Variants in DNAI4 observed in about 807,000 individuals in gnomAD.
DNAI4 encodes the protein WD repeat domain 78.
A neutral mutation model predicts 105.8 loss-of-function variants in DNAI4; 85 were observed. That is an observed-to-expected ratio of 0.80 (90% CI 0.67 to 0.96). The LOEUF is 0.96. DNAI4 is among the 40% of genes least tolerant of loss of function. The probability of loss-of-function intolerance (pLI) is 0.00; values close to 1 mark genes in which losing one functional copy is unlikely to be tolerated. For synonymous variants in DNAI4, 352 were observed against 331.5 expected, an observed-to-expected ratio of 1.06 and a Z score of -0.67; for missense variants, 1,014 against 1,005.6, an observed-to-expected ratio of 1.01 and a Z score of -0.11.
chr1:66,836,809 T>C (rs1446906837), intron 10 of DNAI4, among the ~76,000 whole-genome samples: 1 of 152,224 alleles, frequency 6.6e-6, no homozygotes, highest in Non-Finnish European at 1.5e-5. Flanking sequence ...AAAATTTTAG[T>C]CATTTTTATA....
intron 13 of DNAI4, among the ~76,000 whole-genome samples, chr1:66,832,475 C>G (rs1378409587): frequency 6.6e-6 from 1 of 152,056 alleles, no homozygotes; most frequent in African/African-American, 2.4e-5. Context: ...TCCAAAGTAT[C>G]TCCAGACTGA....
At chr1:66,858,425 C>A (rs936525197) in intron 7 of DNAI4, among the ~76,000 whole-genome samples, 1 of 149,798 alleles carries the variant, frequency 6.7e-6, no homozygotes, top group African/African-American at 2.5e-5. Flanking sequence ...CCCAGCTACT[C>A]GGGACGCTGA....
At chr1:66,918,956 T>G (rs6657065) in intron 1 of DNAI4, 180,539 of 288,650 alleles carry the variant, frequency 0.63, 59,828 homozygotes, top group East Asian at 0.84. Context: ...ATATTCTGAT[T>G]GCTTCCTTTG....
At chr1:66,859,751 G>A (rs752006458) in intron 7 of DNAI4, among the ~76,000 whole-genome samples, 6 of 151,996 alleles carry the variant, frequency 3.9e-5, no homozygotes, top group African/African-American at 7.2e-5. Context: ...TGGAAAAGAC[G>A]AAACTATAAA....
chr1:66,865,095 C>T (rs1329059304), intron 6 of DNAI4, among the ~76,000 whole-genome samples: 1 of 152,016 alleles, frequency 6.6e-6, no homozygotes, highest in African/African-American at 2.4e-5. Context: ...AAAGTTTACA[C>T]TAAAGAATTT....
chr1:66,861,474 A>G (rs991631655), intron 7 of DNAI4, among the ~76,000 whole-genome samples: 2 of 152,230 alleles, frequency 1.3e-5, no homozygotes, highest in African/African-American at 4.8e-5. Flanking sequence ...GACTTAGTAA[A>G]GGTTCTTCCA....
chr1:66,871,330 T>C (rs1307757830), intron 6 of DNAI4, 40 bp downstream of exon 6: 2 of 1,551,316 alleles, frequency 1.3e-6, no homozygotes, highest in Non-Finnish European at 1.7e-6. Context: ...AAATGTATAT[T>C]AGAACATTAT....
chr1:66,836,073 T>C (rs1293354967), intron 10 of DNAI4, among the ~76,000 whole-genome samples: 7 of 150,162 alleles, frequency 4.7e-5, no homozygotes, highest in Admixed American at 1.3e-4. Context: ...GGAGGATCAC[T>C]TGAGACCAGC....
At chr1:66,823,448 G>C (rs1451838995) in intron 15 of DNAI4, among the ~76,000 whole-genome samples, 2 of 151,224 alleles carry the variant, frequency 1.3e-5, no homozygotes, top group Non-Finnish European at 3.0e-5. Flanking sequence ...TGGGTCAAAT[G>C]GTATTTCTAG....
chr1:66,830,246 T>G (rs1204312021), intron 13 of DNAI4, among the ~76,000 whole-genome samples: 8 of 149,638 alleles, frequency 5.3e-5, no homozygotes, highest in Non-Finnish European at 4.4e-5. Flanking sequence ...AAAAAAATAG[T>G]GAAAACCAAT....
At chr1:66,878,173 A>G (rs746297146) in intron 4 of DNAI4, among the ~76,000 whole-genome samples, 2 of 152,082 alleles carry the variant, frequency 1.3e-5, no homozygotes, top group Non-Finnish European at 2.9e-5. Context: ...TCATTTATTC[A>G]ATATTAGTTT....
At chr1:66,880,645 T>C (rs181675071) in intron 4 of DNAI4, among the ~76,000 whole-genome samples, 2 of 152,262 alleles carry the variant, frequency 1.3e-5, no homozygotes, top group East Asian at 3.9e-4. Flanking sequence ...GTTAAAGGCA[T>C]TCAGTTTTAT....
intron 3 of DNAI4, among the ~76,000 whole-genome samples, chr1:66,891,963 T>A (rs562716856): frequency 1.2e-4 from 19 of 152,234 alleles, no homozygotes; most frequent in Non-Finnish European, 2.6e-4. Flanking sequence ...CAGCCTGGAA[T>A]ACTCTTCCTT....
At chr1:66,845,546 G>A (rs147940151) in intron 8 of DNAI4, among the ~76,000 whole-genome samples, 1,578 of 152,184 alleles carry the variant, frequency 0.01, 21 homozygotes, top group African/African-American at 0.036. Context: ...TTTACCAAAA[G>A]TCTCACACAA....
At chr1:66,912,655 C>T (rs1284832716) in intron 1 of DNAI4, among the ~76,000 whole-genome samples, 7 of 152,182 alleles carry the variant, frequency 4.6e-5, no homozygotes, top group South Asian at 2.1e-4. Flanking sequence ...CAACCATCTT[C>T]GGCACATGTT....
At chr1:66,862,682 GA>G (rs1156916758) in intron 6 of DNAI4, among the ~76,000 whole-genome samples, 5 of 152,308 alleles carry the variant, frequency 3.3e-5, no homozygotes, top group Middle Eastern at 6.8e-3. Flanking sequence ...TACCTCAAGA[GA>G]TCCTTAGTCA....
chr1:66,919,048 A>G lies in DNAI4; in HGVS notation c.170+5614T>C, dbSNP rs143490294. The G allele has an allele frequency of 1.7e-3, 716 of 424,568 alleles. 4 individuals are homozygous for G. Among genetic ancestry groups the G allele is most frequent in the African/African-American group, 0.012 (610 of 49,430 alleles). 26.3% of individuals were successfully genotyped at this position (424,568 alleles called of 1,614,324 possible). A position where few individuals can be genotyped will look rare whatever the true frequency, so the allele number is the denominator to read the frequency against. On this transcript the variant is annotated intron_variant, in intron 1 of 16. Coordinates refer to ENST00000371026, the MANE Select transcript of DNAI4 (RefSeq NM_024763.5). ...ACCTGGAAGCCCCCTCCCTGCTTCA[A>G]GTTGTCCCTGCCTTTCTGGATGGAA...
In DNAI4 at chr1:66,826,992, A is replaced by T; in HGVS notation, c.2167T>A (p.Cys723Ser). 1 of 1,614,178 alleles carries T rather than the reference A, an allele frequency of 6.2e-7. No individual in the cohort carries two copies. The highest frequency in any genetic ancestry group is 8.5e-7 in the Non-Finnish European group (1 of 1,180,032). ...NPFCHDVFLS[C>S]SADWGVIIWQ... The stretch of plus-strand genomic sequence containing the variant: ...ATAATAACACCCCAATCTGCAGAAC[A>T]GCTTAAAAATACATCATGACAAAAT... Residue 723 changes from cysteine (C) to serine (S), a missense_variant, in exon 15 of 17, where the codon TGT becomes AGT. Physicochemically the swap from Cys to Ser is moderately radical, Grantham distance 112. Transcript: ENST00000371026.
intron 5 of DNAI4, among the ~76,000 whole-genome samples, chr1:66,872,288 G>A (rs1646864501): frequency 6.6e-6 from 1 of 151,746 alleles, no homozygotes; most frequent in Non-Finnish European, 1.5e-5. Context: ...GAGTGCAGTG[G>A]CGTGACCTCA....
Sources: allele counts gnomAD v4.1 joint callset (sites outside exome capture counted in the v4.1 genomes callset), GRCh38; gene constraint gnomAD v4.1.1; transcripts MANE v1.5; gene names NCBI Gene and HGNC (gene_info 2026-07-23, HGNC 2026-07-21).